Variants in SYNDIG1 observed in about 807,000 individuals in gnomAD.
SYNDIG1 encodes synapse differentiation inducing 1, also known as synapse differentiation-inducing gene protein 1.
Under a neutral mutation model 19.4 loss-of-function variants are expected in SYNDIG1, and 9 were observed. The observed-to-expected ratio is 0.46, with a 90% CI of 0.28 to 0.81. The LOEUF is 0.81. Among genes scored for constraint, SYNDIG1 ranks in the 30% least tolerant of loss-of-function variants. SYNDIG1 has a pLI of 0.12. For missense variants in SYNDIG1, 311 were observed against 343.3 expected (o/e 0.91, Z 0.74); for synonymous variants, 141 against 145.9 (o/e 0.97, Z 0.24).
intron 3 of SYNDIG1, among the ~76,000 whole-genome samples, chr20:24,665,045 C>T (rs1220829357): frequency 6.6e-6 from 1 of 152,192 alleles, no homozygotes; most frequent in Non-Finnish European, 1.5e-5. Context: ...AGATCCCAGA[C>T]CCCACACTGA....
chr20:24,635,194 C>T (rs994238329), intron 3 of SYNDIG1, among the ~76,000 whole-genome samples: 21 of 152,204 alleles, frequency 1.4e-4, no homozygotes, highest in Non-Finnish European at 3.1e-4. Flanking sequence ...GCTGGCTTCA[C>T]GGTGGTGACT....
chr20:24,660,681 G>A (rs1275054790), intron 3 of SYNDIG1, among the ~76,000 whole-genome samples: 2 of 152,234 alleles, frequency 1.3e-5, no homozygotes, highest in Admixed American at 6.5e-5. Flanking sequence ...TGGGCACTTG[G>A]CAGGTTCTTC....
chr20:24,539,641 C>T (rs867233056), intron 1 of SYNDIG1, among the ~76,000 whole-genome samples: 1 of 152,132 alleles, frequency 6.6e-6, no homozygotes, highest in Non-Finnish European at 1.5e-5. Flanking sequence ...TGCTACTGAT[C>T]GCACTGAATC....
intron 3 of SYNDIG1, among the ~76,000 whole-genome samples, chr20:24,624,717 A>T (rs2059095366): frequency 6.6e-6 from 1 of 152,246 alleles, no homozygotes; most frequent in Admixed American, 6.5e-5. Flanking sequence ...ACATTAAAAG[A>T]ACATTTCATT....
intron 2 of SYNDIG1, among the ~76,000 whole-genome samples, chr20:24,556,657 G>T (rs1372201057): frequency 6.6e-6 from 1 of 152,196 alleles, no homozygotes; most frequent in South Asian, 2.1e-4. Flanking sequence ...GGCTTGTAGA[G>T]TTTCTGCCAA....
rs896826487 is a variant in SYNDIG1 at position 24,531,612 on chromosome 20, A to G, written c.-78-11408A>G. 5.0e-5 allele frequency among the ~76,000 whole-genome samples: 7 copies of G among 140,246 alleles called. No individual in the cohort carries two copies. The East Asian group carries it at 1.3e-3, about 26-fold the overall frequency. The allele number at this position is 140,246 out of a possible 152,430, so 92.0% of individuals were successfully genotyped here. A position where few individuals can be genotyped will look rare whatever the true frequency, so the allele number is the denominator to read the frequency against. On this transcript the variant is annotated intron_variant, in intron 1 of 3. Transcript: ENST00000376862. ...ATTCCTCAGAGCAAAACCATCTATT[A>G]AACATTAGAGACAATTTTGAAAAAA...
At chr20:24,578,995 C>A (rs1403257093) in intron 2 of SYNDIG1, among the ~76,000 whole-genome samples, 1 of 152,214 alleles carries the variant, frequency 6.6e-6, no homozygotes, top group African/African-American at 2.4e-5. Context: ...GCCGAGCCAC[C>A]CGTCAGTCAG....
At chr20:24,577,239 G>A (rs747720527) in intron 2 of SYNDIG1, among the ~76,000 whole-genome samples, 7 of 152,188 alleles carry the variant, frequency 4.6e-5, no homozygotes, top group Non-Finnish European at 5.9e-5. Flanking sequence ...TGGTTTTTAC[G>A]TGACCTGACT....
chr20:24,650,985 A>G (rs2059467055), intron 3 of SYNDIG1, among the ~76,000 whole-genome samples: 1 of 152,088 alleles, frequency 6.6e-6, no homozygotes, highest in Non-Finnish European at 1.5e-5. Context: ...ACAGGTGCGC[A>G]CCACCATGTC....
intron 3 of SYNDIG1, among the ~76,000 whole-genome samples, chr20:24,621,058 A>G (rs554956503): frequency 4.2e-4 from 64 of 152,354 alleles, no homozygotes; most frequent in African/African-American, 1.5e-3. Flanking sequence ...TGGGCAAAGT[A>G]AACAGCATTA....
intron 3 of SYNDIG1, among the ~76,000 whole-genome samples, chr20:24,625,996 GC>G (rs1299912504): frequency 4.2e-5 from 6 of 144,048 alleles, no homozygotes; most frequent in African/African-American, 1.5e-4. Flanking sequence ...CGGGGGGCTG[GC>G]CCCCCCACCT....
intron 1 of SYNDIG1, chr20:24,491,591 C>T (rs1402528043): frequency 6.6e-6 from 1 of 152,300 alleles, no homozygotes. Context: ...CGTCACGTTC[C>T]TGATGCCAGG....
At chr20:24,637,314 G>A (rs1412170061) in intron 3 of SYNDIG1, among the ~76,000 whole-genome samples, 3 of 152,186 alleles carry the variant, frequency 2.0e-5, no homozygotes, top group East Asian at 3.8e-4. Flanking sequence ...GGTAATTTAC[G>A]ATTCCTTCCC....
At chr20:24,626,442 A>G (rs931202632) in intron 3 of SYNDIG1, among the ~76,000 whole-genome samples, 53 of 149,292 alleles carry the variant, frequency 3.6e-4, no homozygotes, top group Non-Finnish European at 5.8e-4. Context: ...TAGACGGGGC[A>G]GCAGGGCAGA....
chr20:24,492,895 T>A (rs1315484552), intron 1 of SYNDIG1, among the ~76,000 whole-genome samples: 1 of 152,210 alleles, frequency 6.6e-6, no homozygotes, highest in Non-Finnish European at 1.5e-5. Context: ...GAATTCAAGG[T>A]GCTGATGCAC....
At chr20:24,617,953 G>C (rs552281263) in intron 3 of SYNDIG1, among the ~76,000 whole-genome samples, 5 of 146,184 alleles carry the variant, frequency 3.4e-5, no homozygotes, top group African/African-American at 1.3e-4. Context: ...AGCCTGGGGA[G>C]GGGGAGACCC....
rs554119766 is a variant in SYNDIG1, at chr20:24,653,550, CA to C, written c.619-11795del. Among the ~76,000 whole-genome samples, 3 of 152,318 alleles carry C rather than the reference CA, an allele frequency of 2.0e-5. No homozygotes were observed. In the South Asian group the frequency reaches 6.2e-4, roughly 32 times the overall value. ...AGGAGTGAGAGCAGACCAAAGTCCA[CA>C]GCATGGTGAGCAGCAGGGCCCGGCC... On this transcript the variant is annotated intron_variant, in intron 3 of 3. Coordinates refer to ENST00000376862, the MANE Select transcript of SYNDIG1 (RefSeq NM_024893.3).
intron 3 of SYNDIG1, among the ~76,000 whole-genome samples, chr20:24,602,948 A>C (rs2058700086): frequency 6.6e-6 from 1 of 152,226 alleles, no homozygotes; most frequent in South Asian, 2.1e-4. Context: ...CTGAAATTCT[A>C]ACTGGCTCTT....
chr20:24,534,310 C>T (rs1238931356), intron 1 of SYNDIG1, among the ~76,000 whole-genome samples: 1 of 152,202 alleles, frequency 6.6e-6, no homozygotes, highest in East Asian at 1.9e-4. Context: ...AGCCTCCACC[C>T]CTCCCCTCCA....
Sources: allele counts gnomAD v4.1 joint callset (sites outside exome capture counted in the v4.1 genomes callset), GRCh38; gene constraint gnomAD v4.1.1; transcripts MANE v1.5; gene names NCBI Gene and HGNC (gene_info 2026-07-23, HGNC 2026-07-21).